Variants in TAF1B observed in about 807,000 individuals in gnomAD.
TAF1B encodes the protein TATA box-binding protein-associated factor RNA polymerase I subunit B.
Under a neutral mutation model 83.9 loss-of-function variants are expected in TAF1B, and 61 were observed. The ratio of observed to expected loss-of-function variants is 0.73; its 90% CI spans 0.59 to 0.90. TAF1B has a LOEUF of 0.90. Ranked by LOEUF, TAF1B falls within the 40% of genes least tolerant of loss-of-function variation. The pLI, the probability that TAF1B is intolerant of heterozygous loss-of-function variation, is 0.00. For missense variants in TAF1B, 625 were observed against 677.0 expected, an observed-to-expected ratio of 0.92 and a Z score of 0.85; for synonymous variants, 221 against 224.6, an observed-to-expected ratio of 0.98 and a Z score of 0.14.
At chr2:9,898,751 G>A (rs755173846) in intron 8 of TAF1B, among the ~76,000 whole-genome samples, 6 of 152,128 alleles carry the variant, frequency 3.9e-5, no homozygotes, top group African/African-American at 4.8e-5. Flanking sequence ...TCCCCCAAAA[G>A]TGTATTTATA....
chr2:9,849,284 G>T, intron 2 of TAF1B, 89 bp from the exon 3 acceptor site: 3 of 1,000,898 alleles, frequency 3.0e-6, no homozygotes, highest in Admixed American at 3.2e-5. Flanking sequence ...TCACAATTTG[G>T]TTTATTATAC....
intron 8 of TAF1B, among the ~76,000 whole-genome samples, chr2:9,902,080 C>T (rs1022520386): frequency 3.3e-5 from 5 of 152,038 alleles, no homozygotes; most frequent in African/African-American, 1.2e-4. Flanking sequence ...AAGATTTTAG[C>T]TTCAGGCAAA....
chr2:9,857,359 A>C (rs189902982), intron 5 of TAF1B, among the ~76,000 whole-genome samples: 4 of 152,208 alleles, frequency 2.6e-5, no homozygotes, highest in Admixed American at 6.5e-5. Context: ...AGGATTCTAT[A>C]TAAAGTCTGA....
intron 6 of TAF1B, among the ~76,000 whole-genome samples, chr2:9,872,389 T>A (rs1355709409): frequency 6.6e-6 from 1 of 151,898 alleles, no homozygotes; most frequent in Non-Finnish European, 1.5e-5. Context: ...TAAGCAGTCA[T>A]CCTGGTGTTA....
rs1450545174 is a variant in TAF1B, at chr2:9,927,790, G to GA, written c.1566-5987dup. On this transcript the variant is annotated intron_variant, in intron 14 of 14. Coordinates refer to ENST00000263663, the MANE Select transcript of TAF1B (RefSeq NM_005680.3). ...TAGCCCTTTGTCAGATGGGTAGATT[G>GA]AAAAAATTTTCTCCCATTCTGTAAG... 2.0e-5 allele frequency among the ~76,000 whole-genome samples: 3 copies of GA among 152,212 alleles called. 1 individual carries two copies. In the South Asian group the frequency reaches 6.2e-4, roughly 32 times the overall value.
At chr2:9,897,770 A>G (rs1029859326) in intron 8 of TAF1B, among the ~76,000 whole-genome samples, 1 of 152,098 alleles carries the variant, frequency 6.6e-6, no homozygotes, top group Non-Finnish European at 1.5e-5. Context: ...AGATTTGTTC[A>G]CCTTCTTACT....
intron 7 of TAF1B, among the ~76,000 whole-genome samples, chr2:9,881,379 C>G (rs1664503063): frequency 6.6e-6 from 1 of 151,954 alleles, no homozygotes; most frequent in South Asian, 2.1e-4. Flanking sequence ...TTAAGTGTTA[C>G]AAAGCTGAAA....
chr2:9,921,954 C>G (rs1356608424), intron 14 of TAF1B, among the ~76,000 whole-genome samples: 1 of 152,156 alleles, frequency 6.6e-6, no homozygotes, highest in Non-Finnish European at 1.5e-5. Flanking sequence ...AAAGACTAGA[C>G]TAATATTCCC....
chr2:9,862,038 C>T (rs906792585), intron 5 of TAF1B, among the ~76,000 whole-genome samples: 9 of 144,092 alleles, frequency 6.2e-5, no homozygotes, highest in African/African-American at 2.2e-4. Context: ...AATCAGAACG[C>T]CTCTCCTCCA....
intron 2 of TAF1B, 180 bp downstream of exon 2, chr2:9,845,498 T>C (rs78239458): frequency 0.057 from 28,521 of 502,280 alleles, 955 homozygotes; most frequent in African/African-American, 0.074. Flanking sequence ...GTGAATTAGA[T>C]TGAGGATGAG....
At chr2:9,846,829 G>A (rs1306535756) in intron 2 of TAF1B, among the ~76,000 whole-genome samples, 1 of 152,132 alleles carries the variant, frequency 6.6e-6, no homozygotes, top group African/African-American at 2.4e-5. Context: ...GTGGTTTCAT[G>A]GAGATATATT....
rs375773461 is a variant in TAF1B at position 9,875,857 on chromosome 2, C to T, written c.554-8C>T. 4.5e-6 allele frequency: 7 copies of T among 1,556,542 alleles called. No individual in the cohort carries two copies. Among genetic ancestry groups the T allele is most frequent in the South Asian group, 1.2e-5 (1 of 83,678 alleles). ...TGGATTTTTAAAAATCTCCATTTAT[C>T]TCCTAAGAAACGTCTGTCTGCTCTG... On this transcript the variant is annotated splice_polypyrimidine_tract_variant and splice_region_variant and intron_variant, in intron 6 of 14. Coordinates refer to ENST00000263663, the MANE Select transcript of TAF1B (RefSeq NM_005680.3).
intron 12 of TAF1B, among the ~76,000 whole-genome samples, chr2:9,916,385 A>T (rs1665681204): frequency 6.6e-6 from 1 of 152,228 alleles, no homozygotes; most frequent in Admixed American, 6.5e-5. Flanking sequence ...CATTTCAGGT[A>T]TCTGAACACT....
chr2:9,893,089 C>G (rs1021465388), intron 8 of TAF1B, among the ~76,000 whole-genome samples: 1 of 151,814 alleles, frequency 6.6e-6, no homozygotes, highest in African/African-American at 2.4e-5. Context: ...TTGGAGAGCA[C>G]TTAAAAAAAT....
chr2:9,870,160 T>TA (rs1208078411), intron 6 of TAF1B, among the ~76,000 whole-genome samples: 5 of 152,112 alleles, frequency 3.3e-5, no homozygotes, highest in Non-Finnish European at 5.9e-5. Context: ...AGTCTTGTTA[T>TA]AAAAAAATCG....
intron 5 of TAF1B, among the ~76,000 whole-genome samples, chr2:9,867,461 C>T (rs62127130): frequency 0.24 from 36,782 of 152,088 alleles, 5,017 homozygotes; most frequent in East Asian, 0.31. Flanking sequence ...AAGCATCTTA[C>T]TTCATTCTCT....
At chr2:9,929,286 G>A (rs1666139702) in intron 14 of TAF1B, among the ~76,000 whole-genome samples, 1 of 152,100 alleles carries the variant, frequency 6.6e-6, no homozygotes, top group East Asian at 1.9e-4. Context: ...AGCCTCCTGT[G>A]TAGCTGGGAC....
Position 9,919,757 on chromosome 2 carries a change from A to G in TAF1B, c.1502A>G (p.Lys501Arg), listed in dbSNP as rs139672043. Residue 501 changes from lysine to arginine, a missense_variant, in exon 14 of 15, where the codon AAA (lysine) becomes AGA (arginine). Transcript: ENST00000263663. The stretch of plus-strand genomic sequence containing the variant: ...AGCCTTCAGGGAGTCCTGAAAGAGA[A>G]AGGCCAATCACTGCTGACTAAGAAT... ...GHSLQGVLKE[K>R]GQSLLTKNSL... is the part of the protein sequence containing the mutation. The G allele has an allele frequency of 2.7e-5, 44 of 1,614,108 alleles. No individual in the cohort carries two copies. In the African/African-American group the frequency reaches 5.1e-4, roughly 19 times the overall value.
chr2:9,919,534 TC>T (rs1249992588), intron 13 of TAF1B, 63 bp from the exon 14 acceptor site: 32 of 1,420,782 alleles, frequency 2.3e-5, no homozygotes, highest in Middle Eastern at 3.6e-4. Context: ...TCAAGTAAAT[TC>T]CAGGCTTTAT....
Sources: gnomAD v4.1 joint callset for allele counts (sites outside exome capture counted in the v4.1 genomes callset) on GRCh38, gnomAD v4.1.1 for gene constraint, MANE v1.5 for transcripts, NCBI Gene and HGNC (gene_info 2026-07-23, HGNC 2026-07-21) for gene names.